Variants in MICAL3 observed in about 807,000 individuals in gnomAD.
MICAL3 encodes the protein [F-actin]-monooxygenase MICAL3.
A neutral mutation model predicts 207.4 loss-of-function variants in MICAL3; 62 were observed. That is an observed-to-expected ratio of 0.30 (90% CI 0.24 to 0.37). MICAL3 has a LOEUF of 0.37. MICAL3 is among the 10% of genes least tolerant of loss of function. MICAL3 has a pLI of 1.00. For synonymous variants in MICAL3, 1,077 were observed against 1,069.3 expected, an observed-to-expected ratio of 1.01 and a Z score of -0.14; for missense variants, 2,368 against 2,635.6, an observed-to-expected ratio of 0.90 and a Z score of 2.22.
intron 1 of MICAL3, among the ~76,000 whole-genome samples, chr22:18,011,417 C>A (rs752379637): frequency 6.6e-6 from 1 of 151,988 alleles, no homozygotes; most frequent in South Asian, 2.1e-4. Context: ...TGGTGGCACA[C>A]GCCTGTAATC....
chr22:17,966,158 C>A (rs73390519), intron 1 of MICAL3, among the ~76,000 whole-genome samples: 1 of 152,136 alleles, frequency 6.6e-6, no homozygotes, highest in Non-Finnish European at 1.5e-5. Flanking sequence ...CAACCACACA[C>A]GTTTCCTTAT....
At position 17,818,335 on chromosome 22, in the gene MICAL3, G is replaced by A. The variant is rs1221243189; in HGVS notation, c.4326C>T (p.Ser1442=). 2 of 1,589,016 alleles carry A rather than the reference G, an allele frequency of 1.3e-6. No individual in the cohort carries two copies. Among genetic ancestry groups the A allele is most frequent in the Non-Finnish European group, 1.7e-6 (2 of 1,170,776 alleles). Residue 1442 remains serine, a synonymous_variant, in exon 26 of 32, where the codon AGC becomes AGT. Coordinates refer to ENST00000441493, the MANE Select transcript of MICAL3 (RefSeq NM_015241.3). ...GSSSNMKTLG[S]QSFNTSDSAM... ...CGGAGTCCGAGGTGTTGAAGCTCTG[G>A]CTGCCCAGTGTCTTCATGTTGGAGG...
chr22:17,844,366 C>T (rs78963339), intron 19 of MICAL3, among the ~76,000 whole-genome samples: 2,232 of 152,316 alleles, frequency 0.015, 58 homozygotes, highest in African/African-American at 0.048. Context: ...GCAGGTGATT[C>T]AGCAATTTTT....
At chr22:17,829,236 AG>A (rs1317787312) in intron 21 of MICAL3, among the ~76,000 whole-genome samples, 3 of 147,486 alleles carry the variant, frequency 2.0e-5, no homozygotes, top group African/African-American at 7.6e-5. Context: ...GCACGATCTC[AG>A]CTCACCGCAA....
chr22:17,895,189 G>T, intron 10 of MICAL3, 95 bp downstream of exon 10: 1 of 1,260,054 alleles, frequency 7.9e-7, no homozygotes, highest in East Asian at 2.5e-5. Flanking sequence ...ATCCTTGTAT[G>T]TGTGGTATTA....
intron 29 of MICAL3, among the ~76,000 whole-genome samples, chr22:17,808,168 G>T (rs1006712173): frequency 2.6e-5 from 4 of 152,252 alleles, no homozygotes; most frequent in African/African-American, 4.8e-5. Context: ...GGATGGAATG[G>T]CAGGAATGAG....
intron 1 of MICAL3, among the ~76,000 whole-genome samples, chr22:17,974,155 C>T (rs142628344): frequency 7.0e-4 from 107 of 152,212 alleles, no homozygotes; most frequent in African/African-American, 2.3e-3. Context: ...AGGAAAGTGA[C>T]GAGGCAGTCA....
At chr22:17,951,394 T>C (rs1039920518) in intron 1 of MICAL3, among the ~76,000 whole-genome samples, 14 of 151,896 alleles carry the variant, frequency 9.2e-5, no homozygotes, top group Non-Finnish European at 2.1e-4. Flanking sequence ...AATTCAGCAA[T>C]GGAAAGTACT....
chr22:17,864,469 T>G, intron 19 of MICAL3: 2 of 1,422,664 alleles, frequency 1.4e-6, no homozygotes, highest in Non-Finnish European at 1.8e-6. Flanking sequence ...TCAGAGGAGC[T>G]TGGAAGCAAA....
chr22:17,969,696 G>C (rs139836596), intron 1 of MICAL3, among the ~76,000 whole-genome samples: 36 of 152,306 alleles, frequency 2.4e-4, no homozygotes, highest in African/African-American at 8.7e-4. Flanking sequence ...GGAGGTATTC[G>C]CTTTTTCCTA....
rs192544651 is a variant in MICAL3, at chr22:17,967,333, T to A, written c.-75+56948A>T. ...TTCCCATGCATTTGTATTCTGTTCATCACAACGGCATCTACATACCCTGCA... is the reference window on the plus strand; with the variant it reads ...TTCCCATGCATTTGTATTCTGTTCAACACAACGGCATCTACATACCCTGCA... On this transcript the variant is annotated intron_variant, in intron 1 of 31. Coordinates refer to ENST00000441493, the MANE Select transcript of MICAL3 (RefSeq NM_015241.3). Among the ~76,000 whole-genome samples the A allele has an allele frequency of 3.3e-3, 494 of 151,722 alleles. 4 individuals carry two copies. The highest frequency in any genetic ancestry group is 0.011 in the African/African-American group (456 of 41,350).
At chr22:17,991,197 C>G (rs559363688) in intron 1 of MICAL3, among the ~76,000 whole-genome samples, 14 of 152,288 alleles carry the variant, frequency 9.2e-5, no homozygotes, top group Middle Eastern at 6.8e-3. Context: ...GATGACAGGC[C>G]TGGGAGGCTG....
At chr22:17,936,484 T>C (rs1158587869) in intron 1 of MICAL3, among the ~76,000 whole-genome samples, 1 of 151,670 alleles carries the variant, frequency 6.6e-6, no homozygotes, top group Non-Finnish European at 1.5e-5. Context: ...AAATGATGAG[T>C]TGATGGGTGC....
intron 20 of MICAL3, chr22:17,834,438 G>T (rs1923144287): frequency 7.8e-7 from 1 of 1,285,724 alleles, no homozygotes. Flanking sequence ...ATGCTCAGCT[G>T]GGCCCAGTAG....
intron 29 of MICAL3, among the ~76,000 whole-genome samples, chr22:17,806,438 G>A (rs389496): frequency 0.34 from 51,455 of 149,580 alleles, 9,238 homozygotes; most frequent in African/African-American, 0.47. Context: ...TAGATTTGCT[G>A]TGATCCAACT....
In MICAL3 at chr22:17,810,290, C is replaced by T. The variant is rs576960869; in HGVS notation, c.5556+413G>A. ...GTGTTAGCCAGGATGGTCTCAATCT[C>T]CTGACCTTGTGATCCGCCCGCCTTG... On this transcript the variant is annotated intron_variant, in intron 28 of 31. Coordinates refer to ENST00000441493, the MANE Select transcript of MICAL3 (RefSeq NM_015241.3). 4.4e-3 allele frequency among the ~76,000 whole-genome samples: 674 copies of T among 152,240 alleles called. 4 individuals carry two copies. The highest frequency in any genetic ancestry group is 0.015 in the African/African-American group (609 of 41,544).
At chr22:17,855,085 C>T (rs1186601800) in intron 19 of MICAL3, among the ~76,000 whole-genome samples, 1 of 152,210 alleles carries the variant, frequency 6.6e-6, no homozygotes. Flanking sequence ...CACACATGCC[C>T]AGGAGGCTTC....
Position 17,808,800 on chromosome 22 carries a change from G to A in MICAL3, c.5650+44C>T, listed in dbSNP as rs189898831. 1.7e-5 allele frequency: 25 copies of A among 1,505,448 alleles called. No individual in the cohort carries two copies. In the African/African-American group the frequency reaches 2.1e-4, roughly 12 times the overall value. The allele number at this position is 1,505,448 out of a possible 1,614,324, so 93.3% of individuals were successfully genotyped here. A position where few individuals can be genotyped will look rare whatever the true frequency, so the allele number is the denominator to read the frequency against. On this transcript the variant is annotated intron_variant, in intron 29 of 31. Transcript: ENST00000441493. Reference sequence around the variant, plus strand: ...AACTAGCCTACCACGGCGGGAGGGAGGGCTTCCTCCAGGAGCAGAGCTTAG... The same window carrying A: ...AACTAGCCTACCACGGCGGGAGGGAAGGCTTCCTCCAGGAGCAGAGCTTAG...
At chr22:18,012,485 CG>C (rs1456015240) in intron 1 of MICAL3, among the ~76,000 whole-genome samples, 2 of 152,102 alleles carry the variant, frequency 1.3e-5, no homozygotes, top group East Asian at 3.9e-4. Flanking sequence ...TAGTGGTGGG[CG>C]GGGGGCCTGA....
Sources: gnomAD v4.1 joint callset for allele counts (sites outside exome capture counted in the v4.1 genomes callset) on GRCh38, gnomAD v4.1.1 for gene constraint, MANE v1.5 for transcripts, NCBI Gene and HGNC (gene_info 2026-07-23, HGNC 2026-07-21) for gene names.